The following SHQ1 variants were observed in gnomAD, a reference collection of about 807,000 sequenced individuals.
The protein encoded by SHQ1 is protein SHQ1 homolog.
A neutral mutation model predicts 53.8 loss-of-function variants in SHQ1; 49 were observed. The observed-to-expected ratio is 0.91, with a 90% CI of 0.72 to 1.16. The LOEUF is 1.16. Among genes scored for constraint, SHQ1 ranks in the 50% most tolerant of loss-of-function variants. SHQ1 has a pLI of 0.00. For synonymous variants in SHQ1, 243 were observed against 251.0 expected, an observed-to-expected ratio of 0.97 and a Z score of 0.30; for missense variants, 738 against 683.1, an observed-to-expected ratio of 1.08 and a Z score of -0.90.
At chr3:72,806,454 A>AAG in intron 9 of SHQ1, among the ~76,000 whole-genome samples, 1 of 152,332 alleles carries the variant, frequency 6.6e-6, no homozygotes, top group South Asian at 2.1e-4. Flanking sequence ...CAGAAAAAAA[A>AAG]AGTTCAAGAA....
intron 5 of SHQ1, among the ~76,000 whole-genome samples, chr3:72,826,565 T>A (rs1435079386): frequency 1.3e-5 from 2 of 152,060 alleles, no homozygotes; most frequent in African/African-American, 2.4e-5. Context: ...CAACTTACAA[T>A]CCCATGGGAG....
chr3:72,791,725 T>TG (rs1473607245), intron 10 of SHQ1, among the ~76,000 whole-genome samples: 1 of 151,260 alleles, frequency 6.6e-6, no homozygotes, highest in African/African-American at 2.5e-5. Flanking sequence ...TGTTTTGTTT[T>TG]TTTTTTAATA....
At chr3:72,736,517 A>G in the SHQ1 span, among the ~76,000 whole-genome samples, 102 of 150,948 alleles carry the variant, frequency 6.8e-4, no homozygotes, top group African/African-American at 1.3e-3. Flanking sequence ...TGGGCTGGGC[A>G]CGGTGGCACA....
At chr3:72,742,545 A>G in the SHQ1 span, among the ~76,000 whole-genome samples, 1 of 152,146 alleles carries the variant, frequency 6.6e-6, no homozygotes, top group African/African-American at 2.4e-5. Context: ...TGTTTCTACA[A>G]AGAAAAATAG....
At chr3:72,751,439 C>T (rs1261106728) in intron 10 of SHQ1, among the ~76,000 whole-genome samples, 1 of 148,182 alleles carries the variant, frequency 6.7e-6, no homozygotes, top group Non-Finnish European at 1.5e-5. Context: ...ATAGAAATAT[C>T]AATTTCTTCT....
At chr3:72,839,982 G>A (rs1347421703) in intron 4 of SHQ1, among the ~76,000 whole-genome samples, 1 of 151,882 alleles carries the variant, frequency 6.6e-6, no homozygotes, top group Non-Finnish European at 1.5e-5. Context: ...AGATGGTCAC[G>A]AGCTCCTGAC....
intron 1 of SHQ1, among the ~76,000 whole-genome samples, chr3:72,846,678 C>T (rs1363105192): frequency 6.6e-6 from 1 of 152,170 alleles, no homozygotes; most frequent in Non-Finnish European, 1.5e-5. Context: ...CCTTAAAATT[C>T]AGCAGGCTCT....
intron 4 of SHQ1, among the ~76,000 whole-genome samples, chr3:72,835,389 AC>A (rs769580708): frequency 1.1e-3 from 171 of 152,042 alleles, no homozygotes; most frequent in Non-Finnish European, 2.0e-3. Context: ...GCTCCCTGTT[AC>A]TCACTGGCAA....
At chr3:72,835,327 A>C (rs1707958768) in intron 4 of SHQ1, among the ~76,000 whole-genome samples, 1 of 152,008 alleles carries the variant, frequency 6.6e-6, no homozygotes, top group Non-Finnish European at 1.5e-5. Context: ...AGAGGCCTCA[A>C]TACATTCAAT....
intron 10 of SHQ1, among the ~76,000 whole-genome samples, chr3:72,756,273 G>C (rs1013990240): frequency 1.3e-5 from 2 of 152,044 alleles, no homozygotes; most frequent in African/African-American, 4.8e-5. Flanking sequence ...TGTTTGTCTG[G>C]TTAGGTTTTT....
the SHQ1 span, among the ~76,000 whole-genome samples, chr3:72,730,938 A>G: frequency 6.9e-6 from 1 of 145,392 alleles, no homozygotes; most frequent in Non-Finnish European, 1.5e-5. Flanking sequence ...CAGAAAAAGT[A>G]TCATTTCTAG....
At chr3:72,828,058 T>C (rs558225317) in intron 5 of SHQ1, among the ~76,000 whole-genome samples, 2 of 152,220 alleles carry the variant, frequency 1.3e-5, no homozygotes, top group African/African-American at 4.8e-5. Flanking sequence ...CCCGCCTTTT[T>C]CAAGACTTTC....
intron 2 of SHQ1, 81 bp from the exon 3 acceptor site, chr3:72,842,483 C>T (rs1471298734): frequency 2.3e-6 from 3 of 1,314,334 alleles, no homozygotes; most frequent in Admixed American, 4.3e-5. Flanking sequence ...AATCCCAATA[C>T]TCTGGCAGTC....
chr3:72,831,537 T>C (rs747956416), intron 5 of SHQ1, among the ~76,000 whole-genome samples: 39 of 152,182 alleles, frequency 2.6e-4, no homozygotes, highest in Non-Finnish European at 5.4e-4. Flanking sequence ...TATACCAATA[T>C]AAGGAGATAT....
At chr3:72,801,923 A>G (rs912121883) in intron 9 of SHQ1, among the ~76,000 whole-genome samples, 2 of 152,228 alleles carry the variant, frequency 1.3e-5, no homozygotes, top group African/African-American at 4.8e-5. Context: ...GTTCTTAGCT[A>G]ATTTCTCACG....
chr3:72,840,523 T>C lies in SHQ1; in HGVS notation c.486+522A>G, dbSNP rs545784021. On this transcript the variant is annotated intron_variant, in intron 4 of 10. Transcript: ENST00000325599. ...ATCAGCCGAGATCGTGCCACTGCAC[T>C]GCACTCCAGCCTTGGCGACAGGGTA... Among the ~76,000 whole-genome samples the C allele has an allele frequency of 2.6e-4, 39 of 147,828 alleles. No individual in the cohort carries two copies. In the South Asian group the frequency reaches 7.0e-3, roughly 26 times the overall value.
chr3:72,766,890 GCCACTAAC>G (rs1233004876), intron 10 of SHQ1, among the ~76,000 whole-genome samples: 5 of 152,058 alleles, frequency 3.3e-5, no homozygotes. Flanking sequence ...TCCAATATGG[GCCACTAAC>G]CCCATGTGGC....
chr3:72,817,098 G>A (rs1707341259), intron 7 of SHQ1, 132 bp downstream of exon 7: 2 of 914,720 alleles, frequency 2.2e-6, no homozygotes, highest in Non-Finnish European at 3.1e-6. Context: ...CCACACACAT[G>A]CAACTCTGCT....
chr3:72,734,679 G>A, the SHQ1 span, among the ~76,000 whole-genome samples: 4 of 151,648 alleles, frequency 2.6e-5, no homozygotes, highest in Middle Eastern at 3.2e-3. Context: ...GAGAATGAAA[G>A]TGTACTAAGT....
Sources: allele counts gnomAD v4.1 joint callset (sites outside exome capture counted in the v4.1 genomes callset), GRCh38; gene constraint gnomAD v4.1.1; transcripts MANE v1.5; gene names NCBI Gene and HGNC (gene_info 2026-07-23, HGNC 2026-07-21).